Variants in NSD3 observed in about 807,000 individuals in gnomAD.
NSD3 encodes the protein histone-lysine N-methyltransferase NSD3.
In NSD3, 24 loss-of-function variants were observed where a neutral mutation model predicts 160.8. That is an observed-to-expected ratio of 0.15 (90% CI 0.11 to 0.21). The LOEUF is 0.21. Ranked by LOEUF, NSD3 falls within the 10% of genes least tolerant of loss-of-function variation. The pLI, the probability that NSD3 is intolerant of heterozygous loss-of-function variation, is 1.00. For synonymous variants in NSD3, 520 were observed against 600.0 expected (o/e 0.87, Z 1.95); for missense variants, 1,157 against 1,735.9 (o/e 0.67, Z 5.93).
chr8:38,329,591 T>C lies in NSD3; in HGVS notation c.1368A>G (p.Thr456=), dbSNP rs200843050. The stretch of plus-strand genomic sequence containing the variant: ...GCGGTGGCTCTTCCTCTTCCGCACT[T>C]GTGTGCCGCCTCTGGCTATGTCTCC... ...EIRRHSQRRH[T]SAEEEEPPPV... The change falls in exon 6 of 24, where the codon ACA becomes ACG. Residue 456 remains threonine (T), a synonymous_variant. Transcript: ENST00000317025. This position sits in a 1 kb window ranked among gnomAD's most constrained non-coding sequence, Gnocchi z 4.8. 6.2e-7 allele frequency: 1 copy of C among 1,614,226 alleles called. No individual in the cohort carries two copies. The highest frequency in any genetic ancestry group is 1.3e-5 in the African/African-American group (1 of 75,062).
chr8:38,319,280 G>C lies in NSD3; in HGVS notation c.1810-340C>G. On this transcript the variant is annotated intron_variant, in intron 8 of 23. Transcript: ENST00000317025. This position sits in a 1 kb window ranked among gnomAD's most constrained non-coding sequence, Gnocchi z 4.1. ...TGTTTCTGCAACCGGCCCCAATGTT[G>C]CTAAAAACCCCTCCCGCCCCAAAGA... 4.8e-6 allele frequency: 1 copy of C among 207,932 alleles called. No individual in the cohort carries two copies. The highest frequency in any genetic ancestry group is 9.5e-6 in the Non-Finnish European group (1 of 105,374). 12.9% of individuals were successfully genotyped at this position (207,932 alleles called of 1,614,324 possible).
chr8:38,337,282 T>C, intron 4 of NSD3, 23 bp downstream of exon 4: 1 of 1,562,768 alleles, frequency 6.4e-7, no homozygotes, highest in Non-Finnish European at 8.6e-7. Flanking sequence ...TTTTACTTAG[T>C]ATCTGTTTAT....
At chr8:38,322,993 CCAAACT>C (rs1193910742) in intron 7 of NSD3, among the ~76,000 whole-genome samples, 2 of 152,232 alleles carry the variant, frequency 1.3e-5, no homozygotes, top group Non-Finnish European at 2.9e-5. Context: ...CAGCTGTTAA[CCAAACT>C]TCAAACAAGC....
intron 12 of NSD3, among the ~76,000 whole-genome samples, chr8:38,307,933 G>A (rs959280544): frequency 6.6e-5 from 10 of 152,082 alleles, no homozygotes; most frequent in African/African-American, 2.2e-4. Flanking sequence ...AACATAAATG[G>A]ATAAGACACA....
Position 38,279,658 on chromosome 8 carries a change from T to G in NSD3, c.3642A>C (p.Pro1214=). 1.2e-6 allele frequency: 2 copies of G among 1,613,872 alleles called. No homozygotes were observed. Among genetic ancestry groups the G allele is most frequent in the Non-Finnish European group, 1.7e-6 (2 of 1,179,808 alleles). Residue 1214 remains proline, a synonymous_variant, in exon 21 of 24, where the codon CCA becomes CCC. Coordinates refer to ENST00000317025, the MANE Select transcript of NSD3 (RefSeq NM_023034.2). Reference sequence around the variant, plus strand: ...TCATGAAGCGAGAATAATTTCCTTTTGGGCCGGCATCAATTATACGGTCCT... The same window carrying G: ...TCATGAAGCGAGAATAATTTCCTTTGGGGCCGGCATCAATTATACGGTCCT... The part of the protein sequence containing the change: ...VTKDRIIDAG[P]KGNYSRFMNH...
intron 12 of NSD3, among the ~76,000 whole-genome samples, chr8:38,307,696 C>G (rs1178902847): frequency 6.6e-6 from 1 of 152,144 alleles, no homozygotes; most frequent in East Asian, 1.9e-4. Context: ...TACTAAAACA[C>G]ACACACACAG....
At chr8:38,287,708 G>A (rs967150357) in intron 19 of NSD3, among the ~76,000 whole-genome samples, 4 of 150,454 alleles carry the variant, frequency 2.7e-5, no homozygotes, top group South Asian at 2.1e-4. Context: ...GCTAGAGTGC[G>A]GTGGCACGAT....
chr8:38,370,646 T>C (rs1033065936), intron 1 of NSD3, among the ~76,000 whole-genome samples: 1 of 152,146 alleles, frequency 6.6e-6, no homozygotes, highest in Admixed American at 6.5e-5. Flanking sequence ...TAAATGCTGT[T>C]TTTAAAACAA....
chr8:38,377,334 G>A (rs1811418783), intron 1 of NSD3, among the ~76,000 whole-genome samples: 1 of 151,356 alleles, frequency 6.6e-6, no homozygotes, highest in Admixed American at 6.6e-5. Flanking sequence ...AATTACAGAC[G>A]TGAGCCACCA....
intron 12 of NSD3, among the ~76,000 whole-genome samples, chr8:38,306,714 G>C (rs531060138): frequency 6.6e-6 from 1 of 152,350 alleles, no homozygotes; most frequent in East Asian, 1.9e-4. Flanking sequence ...AAAGTGGGCA[G>C]AGGATGTAAA....
chr8:38,358,591 A>G (rs1044323784), intron 1 of NSD3, among the ~76,000 whole-genome samples: 1 of 152,190 alleles, frequency 6.6e-6, no homozygotes. Flanking sequence ...AAAAAACTAG[A>G]GGGTCATTTT....
intron 15 of NSD3, among the ~76,000 whole-genome samples, chr8:38,297,290 A>T (rs1278765761): frequency 6.6e-6 from 1 of 152,240 alleles, no homozygotes; most frequent in Non-Finnish European, 1.5e-5. Context: ...ATAGTTGTAA[A>T]TGCTAAGAAA....
At position 38,304,837 on chromosome 8, in the gene NSD3, T is replaced by G. The variant is rs1809358311; in HGVS notation, c.2441-80A>C. ...ATAAGTTTCTGGAGTTGGGCTTTTT[T>G]GGGTCCCTCTGAGATGCTAGTTACA... On this transcript the variant is annotated intron_variant, in intron 13 of 23. Coordinates refer to ENST00000317025, the MANE Select transcript of NSD3 (RefSeq NM_023034.2). 2.1e-6 allele frequency: 3 copies of G among 1,441,508 alleles called. No homozygotes were observed. In the South Asian group the frequency reaches 4.3e-5, roughly 20 times the overall value. The allele number at this position is 1,441,508 out of a possible 1,614,324, so 89.3% of individuals were successfully genotyped here.
intron 4 of NSD3, among the ~76,000 whole-genome samples, chr8:38,333,790 C>A (rs1035346965): frequency 6.6e-6 from 1 of 152,034 alleles, no homozygotes; most frequent in African/African-American, 2.4e-5. Flanking sequence ...TGGCGTGAAC[C>A]CGGGAAGCGG....
At chr8:38,296,853 A>G (rs911046161) in intron 15 of NSD3, among the ~76,000 whole-genome samples, 1 of 152,106 alleles carries the variant, frequency 6.6e-6, no homozygotes, top group Non-Finnish European at 1.5e-5. Flanking sequence ...TTGGGATTAC[A>G]GGCGTGAGCC....
intron 1 of NSD3, among the ~76,000 whole-genome samples, chr8:38,363,119 C>T (rs1348270685): frequency 1.3e-5 from 2 of 152,212 alleles, no homozygotes; most frequent in East Asian, 3.9e-4. Context: ...TCCGTGTTAA[C>T]GAAGGTACTG....
intron 12 of NSD3, among the ~76,000 whole-genome samples, chr8:38,311,738 C>G (rs998518179): frequency 6.6e-6 from 1 of 152,092 alleles, no homozygotes; most frequent in African/African-American, 2.4e-5. Flanking sequence ...TGAGGGTTGC[C>G]TTTACATTAT....
chr8:38,298,532 G>C (rs987054702), intron 15 of NSD3, among the ~76,000 whole-genome samples: 5 of 145,640 alleles, frequency 3.4e-5, no homozygotes, highest in East Asian at 2.0e-4. Flanking sequence ...TACACCTACT[G>C]TGTGTGTGTG....
At chr8:38,284,408 G>C (rs184823230) in intron 19 of NSD3, among the ~76,000 whole-genome samples, 1 of 152,274 alleles carries the variant, frequency 6.6e-6, no homozygotes, top group Non-Finnish European at 1.5e-5. Context: ...TCTGTTTTGA[G>C]ACGGAGTTTC....
Sources: allele counts gnomAD v4.1 joint callset (sites outside exome capture counted in the v4.1 genomes callset), GRCh38; gene constraint gnomAD v4.1.1; non-coding constraint Gnocchi (gnomAD v3.1); transcripts MANE v1.5; gene names NCBI Gene and HGNC (gene_info 2026-07-23, HGNC 2026-07-21).